TSNARE1: variants seen among roughly 807,000 people sequenced by gnomAD.
TSNARE1 encodes t-SNARE domain containing 1.
Under a neutral mutation model 62.0 loss-of-function variants are expected in TSNARE1, and 49 were observed. The observed-to-expected ratio is 0.79, with a 90% CI of 0.63 to 1.00. The LOEUF (loss-of-function observed/expected upper bound fraction) is 1.00, where lower values mean the gene tolerates loss of function less well. Ranked by LOEUF, TSNARE1 falls within the 50% of genes least tolerant of loss-of-function variation. The pLI, the probability that TSNARE1 is intolerant of heterozygous loss-of-function variation, is 0.00. For missense variants in TSNARE1, 755 were observed against 700.1 expected, an observed-to-expected ratio of 1.08 and a Z score of -0.88; for synonymous variants, 328 against 294.4, an observed-to-expected ratio of 1.11 and a Z score of -1.17.
chr8:142,274,274 T>G (rs1010758649), intron 12 of TSNARE1: 1 of 985,414 alleles, frequency 1.0e-6, no homozygotes, highest in Non-Finnish European at 1.2e-6. Flanking sequence ...GGTCTTCTTG[T>G]GGTGACCACA....
chr8:142,289,887 A>G (rs965229542), intron 10 of TSNARE1, among the ~76,000 whole-genome samples: 1 of 152,020 alleles, frequency 6.6e-6, no homozygotes. Flanking sequence ...TGGGACCTGC[A>G]GCTGGGCCTG....
intron 7 of TSNARE1, among the ~76,000 whole-genome samples, chr8:142,315,914 CCA>C (rs981041326): frequency 1.3e-5 from 2 of 152,230 alleles, no homozygotes; most frequent in African/African-American, 4.8e-5. Flanking sequence ...CGTCCACGGC[CCA>C]CAGAGTCAAA....
intron 6 of TSNARE1, among the ~76,000 whole-genome samples, chr8:142,330,446 G>A (rs1830850988): frequency 6.6e-6 from 1 of 152,254 alleles, no homozygotes; most frequent in South Asian, 2.1e-4. Flanking sequence ...AAGGGCAGAA[G>A]CAAGATCGGA....
chr8:142,406,382 C>T (rs567176320), upstream of TSNARE1: 1 of 152,398 alleles, frequency 6.6e-6, no homozygotes, highest in South Asian at 2.1e-4. Context: ...TGCGTCCTGC[C>T]CCTCAACAAC....
chr8:142,266,517 G>GAA (rs1449397669), intron 12 of TSNARE1, among the ~76,000 whole-genome samples: 1 of 152,180 alleles, frequency 6.6e-6, no homozygotes, highest in Non-Finnish European at 1.5e-5. Context: ...AGTTGACAGC[G>GAA]ACTTTCTCTC....
chr8:142,217,837 G>GCTCA (rs1815962415), intron 13 of TSNARE1, among the ~76,000 whole-genome samples: 1 of 151,546 alleles, frequency 6.6e-6, no homozygotes, highest in African/African-American at 2.4e-5. Flanking sequence ...CAGGATCAGG[G>GCTCA]CTCAGTGTGT....
At chr8:142,284,588 C>A in intron 10 of TSNARE1, 103 bp from the exon 11 acceptor site, 1 of 898,020 alleles carries the variant, frequency 1.1e-6, no homozygotes. Context: ...CAGGTGGCAC[C>A]TGCAGAATCA....
chr8:142,286,682 T>C (rs1261462782), intron 10 of TSNARE1, among the ~76,000 whole-genome samples: 1 of 152,146 alleles, frequency 6.6e-6, no homozygotes, highest in Admixed American at 6.5e-5. Context: ...AAGCCTAGGC[T>C]CCATCCTACA....
chr8:142,251,207 A>C (rs942360442), intron 12 of TSNARE1, among the ~76,000 whole-genome samples: 1 of 151,696 alleles, frequency 6.6e-6, no homozygotes, highest in South Asian at 2.1e-4. Context: ...GCCTTCCACC[A>C]GATTCCCAGT....
intron 4 of TSNARE1, among the ~76,000 whole-genome samples, chr8:142,338,294 C>T (rs55676004): frequency 0.14 from 20,597 of 152,258 alleles, 1,485 homozygotes; most frequent in East Asian, 0.22. Context: ...AACACTCGGC[C>T]GTGTGTGGGA....
intron 10 of TSNARE1, among the ~76,000 whole-genome samples, chr8:142,292,286 C>T (rs1396211280): frequency 1.3e-5 from 2 of 152,182 alleles, no homozygotes; most frequent in Non-Finnish European, 2.9e-5. Context: ...TTCTGACCCA[C>T]AGAACCCACG....
At chr8:142,342,360 T>C (rs1358283002) in intron 4 of TSNARE1, among the ~76,000 whole-genome samples, 1 of 152,200 alleles carries the variant, frequency 6.6e-6, no homozygotes, top group Non-Finnish European at 1.5e-5. Context: ...GCTCAGATCC[T>C]CTTCCAGACA....
chr8:142,257,906 G>A (rs1818665346), intron 12 of TSNARE1, among the ~76,000 whole-genome samples: 1 of 152,098 alleles, frequency 6.6e-6, no homozygotes, highest in Non-Finnish European at 1.5e-5. Flanking sequence ...GCCCCTGGGT[G>A]AGCATAAGAG....
At chr8:142,279,988 A>G (rs1414662325) in intron 11 of TSNARE1, 1 of 1,158,388 alleles carries the variant, frequency 8.6e-7, no homozygotes, top group Non-Finnish European at 1.1e-6. Context: ...CTTCTTGCGC[A>G]CAGCACCTCG....
chr8:142,395,892 C>A (rs1176336355), intron 1 of TSNARE1, among the ~76,000 whole-genome samples: 1 of 152,210 alleles, frequency 6.6e-6, no homozygotes, highest in African/African-American at 2.4e-5. Flanking sequence ...TGATTCTGGG[C>A]TCTGGTTTAA....
intron 12 of TSNARE1, among the ~76,000 whole-genome samples, chr8:142,265,121 A>T (rs201081973): frequency 9.7e-4 from 15 of 15,516 alleles, no homozygotes; most frequent in African/African-American, 1.5e-3. Flanking sequence ...CTTTCTACTC[A>T]GTTTGTGTGT....
intron 1 of TSNARE1, among the ~76,000 whole-genome samples, chr8:142,396,377 A>G (rs1414001710): frequency 6.6e-6 from 1 of 152,076 alleles, no homozygotes; most frequent in Non-Finnish European, 1.5e-5. Flanking sequence ...CCTTATGGGA[A>G]CAAGAATCTT....
At chr8:142,318,989 C>T (rs1829043682) in intron 6 of TSNARE1, among the ~76,000 whole-genome samples, 1 of 151,366 alleles carries the variant, frequency 6.6e-6, no homozygotes, top group Non-Finnish European at 1.5e-5. Context: ...CGGGCAGACA[C>T]CCAGCAAGAG....
intron 10 of TSNARE1, among the ~76,000 whole-genome samples, chr8:142,296,218 G>C (rs926630127): frequency 3.0e-4 from 12 of 39,924 alleles, no homozygotes; most frequent in African/African-American, 1.3e-3. Context: ...TCACTGTCAC[G>C]GGGGAGGGGG....
Sources: allele counts gnomAD v4.1 joint callset (sites outside exome capture counted in the v4.1 genomes callset), GRCh38; gene constraint gnomAD v4.1.1; transcripts MANE v1.5; gene names NCBI Gene and HGNC (gene_info 2026-07-23, HGNC 2026-07-21).